The following DMD variants were observed in gnomAD, a reference collection of about 807,000 sequenced individuals.
The protein encoded by DMD is mutant dystrophin.
A neutral mutation model predicts 330.1 loss-of-function variants in DMD; 63 were observed. That is an observed-to-expected ratio of 0.19 (90% confidence interval 0.16 to 0.24). DMD has a LOEUF of 0.24. Among genes scored for constraint, DMD ranks in the 10% least tolerant of loss-of-function variants. The pLI is 1.00. For missense variants in DMD, 3,344 were observed against 2,684.1 expected (o/e 1.25, Z -5.43); for synonymous variants, 1,223 against 959.8 (o/e 1.27, Z -5.07).
At chrX:31,327,301 C>G (rs1184962506) in intron 61 of DMD, among the ~76,000 whole-genome samples, 9 of 112,217 alleles carry the variant, frequency 8.0e-5, no homozygotes, top group African/African-American at 2.3e-4. Flanking sequence ...GGTAGCAATT[C>G]TATCTTCAAA....
At chrX:32,011,589 A>T (rs2095709180) in intron 44 of DMD, among the ~76,000 whole-genome samples, 1 of 111,667 alleles carries the variant, frequency 9.0e-6, no homozygotes, top group African/African-American at 3.3e-5. Flanking sequence ...CTTATGGCTG[A>T]ATCCCCTCTT....
chrX:31,714,783 A>T (rs1385581851), intron 52 of DMD, among the ~76,000 whole-genome samples: 1 of 112,089 alleles, frequency 8.9e-6, no homozygotes, highest in East Asian at 2.8e-4. Context: ...TAAACAAAAT[A>T]TTATCAATAT....
At chrX:33,141,730 T>A (rs188655975) in intron 1 of DMD, among the ~76,000 whole-genome samples, 2 of 111,265 alleles carry the variant, frequency 1.8e-5, no homozygotes, top group Admixed American at 1.9e-4. Context: ...ATCACACAAG[T>A]AAAATTTTAT....
chrX:31,373,352 G>A (rs1357285601), intron 60 of DMD, among the ~76,000 whole-genome samples: 9 of 98,473 alleles, frequency 9.1e-5, no homozygotes, highest in South Asian at 1.2e-3. Context: ...AAAAGAGCCC[G>A]CATCGCCAAG....
intron 29 of DMD, among the ~76,000 whole-genome samples, chrX:32,429,023 T>G (rs888859326): frequency 9.0e-6 from 1 of 111,508 alleles, no homozygotes; most frequent in South Asian, 3.7e-4. Context: ...AAGCTTTTTA[T>G]TGATTAATCC....
chrX:31,211,151 A>G (rs1251125834), intron 64 of DMD, among the ~76,000 whole-genome samples: 1 of 112,377 alleles, frequency 8.9e-6, no homozygotes, highest in African/African-American at 3.2e-5. Flanking sequence ...GAAAAATAAT[A>G]AAGAATTTTA....
At chrX:33,314,113 G>GCA (rs747885877) in intron 1 of DMD, among the ~76,000 whole-genome samples, 24 of 104,148 alleles carry the variant, frequency 2.3e-4, no homozygotes, top group East Asian at 9.5e-4. Context: ...CATTACACAC[G>GCA]CACACACACA....
At chrX:31,487,260 C>T (rs2068876074) in intron 57 of DMD, among the ~76,000 whole-genome samples, 1 of 108,561 alleles carries the variant, frequency 9.2e-6, no homozygotes, top group African/African-American at 3.4e-5. Flanking sequence ...CCTGTTAACA[C>T]ATTTTTTTTT....
At chrX:31,729,772 T>A in intron 51 of DMD, 24 bp from the exon 52 acceptor site, 1 of 1,132,645 alleles carries the variant, frequency 8.8e-7, no homozygotes, top group Non-Finnish European at 1.2e-6. Flanking sequence ...TATCCCTTAG[T>A]ATCAGGGTTC....
intron 43 of DMD, among the ~76,000 whole-genome samples, chrX:32,224,740 A>G (rs1371166316): frequency 9.0e-6 from 1 of 111,233 alleles, no homozygotes; most frequent in Non-Finnish European, 1.9e-5. Context: ...TTGATCCCTA[A>G]TCCTCCCTAG....
chrX:33,203,591 G>A (rs1757786431), intron 1 of DMD, among the ~76,000 whole-genome samples: 3 of 110,319 alleles, frequency 2.7e-5, no homozygotes, highest in Non-Finnish European at 3.8e-5. Flanking sequence ...ATTGGAGATC[G>A]AAAGGAACAG....
rs1569548716 is a variant in DMD, at chrX:33,008,872, TC to T, written c.93+11266del. On this transcript the variant is annotated intron_variant, in intron 2 of 78. Coordinates refer to ENST00000357033, the MANE Select transcript of DMD (RefSeq NM_004006.3). ...TGTATACGTGTATATATACACATACTCATATATGTATATATACGTGTATATA... is the reference window on the plus strand; with the variant it reads ...TGTATACGTGTATATATACACATACTATATATGTATATATACGTGTATATA... Among the ~76,000 whole-genome samples the T allele has an allele frequency of 1.0e-3, 43 of 42,039 alleles. 3 individuals carry two copies. Among genetic ancestry groups the T allele is most frequent in the African/African-American group, 3.1e-3 (39 of 12,420 alleles). 36.5% of individuals were successfully genotyped at this position (42,039 alleles called of 115,157 possible).
At chrX:33,005,154 C>T (rs897837522) in intron 2 of DMD, among the ~76,000 whole-genome samples, 1 of 109,474 alleles carries the variant, frequency 9.1e-6, no homozygotes, top group Non-Finnish European at 1.9e-5. Context: ...ATTTTCAACA[C>T]AATGTTAAGT....
intron 4 of DMD, among the ~76,000 whole-genome samples, chrX:32,830,345 A>C (rs1163699551): frequency 9.0e-6 from 1 of 111,342 alleles, no homozygotes; most frequent in Non-Finnish European, 1.9e-5. Flanking sequence ...AAGAATTATC[A>C]GTCTAATTGC....
At chrX:32,239,004 T>A (rs2097198318) in intron 43 of DMD, among the ~76,000 whole-genome samples, 1 of 112,102 alleles carries the variant, frequency 8.9e-6, no homozygotes, top group Non-Finnish European at 1.9e-5. Flanking sequence ...TATTTGAATG[T>A]TGGATTACAT....
At chrX:33,033,265 G>A (rs1389977075) in intron 1 of DMD, among the ~76,000 whole-genome samples, 1 of 109,741 alleles carries the variant, frequency 9.1e-6, no homozygotes, top group Admixed American at 9.7e-5. Flanking sequence ...TTATGCCACT[G>A]GATTAAAAAA....
At chrX:32,691,319 CA>C (rs763927104) in intron 9 of DMD, among the ~76,000 whole-genome samples, 5,938 of 84,566 alleles carry the variant, frequency 0.07, 381 homozygotes, top group African/African-American at 0.21. Flanking sequence ...AACTCATTGG[CA>C]AAAAAAAAAA....
At chrX:33,320,632 A>T (rs1255115945) in intron 1 of DMD, among the ~76,000 whole-genome samples, 1 of 112,288 alleles carries the variant, frequency 8.9e-6, no homozygotes, top group Non-Finnish European at 1.9e-5. Flanking sequence ...GGGTTGCTGA[A>T]GGTGGGAGTG....
intron 2 of DMD, among the ~76,000 whole-genome samples, chrX:33,008,077 C>A (rs1222129700): frequency 9.0e-6 from 1 of 111,621 alleles, no homozygotes; most frequent in Non-Finnish European, 1.9e-5. Flanking sequence ...TTAGTTTGCA[C>A]TCATCACCTG....
Sources: allele counts gnomAD v4.1 joint callset (sites outside exome capture counted in the v4.1 genomes callset), GRCh38; gene constraint gnomAD v4.1.1; transcripts MANE v1.5; gene names NCBI Gene and HGNC (gene_info 2026-07-23, HGNC 2026-07-21).